Variants in AAMDC observed in about 807,000 individuals in gnomAD.
AAMDC encodes mth938 domain-containing protein.
Under a neutral mutation model 15.5 loss-of-function variants are expected in AAMDC, and 16 were observed. The ratio of observed to expected loss-of-function variants is 1.03; its 90% CI spans 0.70 to 1.57. The LOEUF is 1.57. Among genes scored for constraint, AAMDC ranks in the 40% most tolerant of loss-of-function variants. The pLI, the probability that AAMDC is intolerant of heterozygous loss-of-function variation, is 0.00. For missense variants in AAMDC, 141 were observed against 144.9 expected, an observed-to-expected ratio of 0.97 and a Z score of 0.14; for synonymous variants, 51 against 51.6, an observed-to-expected ratio of 0.99 and a Z score of 0.05.
intron 1 of AAMDC, among the ~76,000 whole-genome samples, chr11:77,821,454 T>C (rs1480759092): frequency 6.6e-6 from 1 of 152,098 alleles, no homozygotes; most frequent in Non-Finnish European, 1.5e-5. Flanking sequence ...TATTGCTCTC[T>C]GCTGGGGTAC....
chr11:77,893,584 C>A (rs748676443), intron 5 of AAMDC, among the ~76,000 whole-genome samples: 7 of 152,036 alleles, frequency 4.6e-5, no homozygotes, highest in Non-Finnish European at 1.0e-4. Flanking sequence ...CAGAGTGAGA[C>A]CCTGTCTCAA....
downstream of AAMDC, among the ~76,000 whole-genome samples, chr11:77,874,461 G>GT (rs1951544878): frequency 6.6e-6 from 1 of 151,564 alleles, no homozygotes; most frequent in South Asian, 2.1e-4. Flanking sequence ...TCCTAAGTGA[G>GT]TTGTCTCCAA....
At chr11:77,847,742 C>T (rs1014409399) in intron 2 of AAMDC, among the ~76,000 whole-genome samples, 3 of 152,088 alleles carry the variant, frequency 2.0e-5, no homozygotes, top group African/African-American at 7.2e-5. Context: ...AAGTCATAAC[C>T]ACTTTAGCTA....
chr11:77,829,235 GAC>G (rs1158615876), intron 1 of AAMDC, among the ~76,000 whole-genome samples: 1 of 152,184 alleles, frequency 6.6e-6, no homozygotes, highest in African/African-American at 2.4e-5. Context: ...GCCATGTGAA[GAC>G]ACAGAGAGAT....
At chr11:77,854,224 C>T (rs1950518874) in intron 2 of AAMDC, among the ~76,000 whole-genome samples, 1 of 151,982 alleles carries the variant, frequency 6.6e-6, no homozygotes, top group African/African-American at 2.4e-5. Flanking sequence ...GATCTCCTGA[C>T]CTCATGATCC....
chr11:77,858,311 T>TTTTTTTTTG, intron 2 of AAMDC, among the ~76,000 whole-genome samples: 1 of 136,230 alleles, frequency 7.3e-6, no homozygotes, highest in African/African-American at 2.6e-5. Context: ...TCTTTTTTTT[T>TTTTTTTTTG]TTTTTTTTTT....
chr11:77,865,118 TG>T (rs1817686955), intron 2 of AAMDC, among the ~76,000 whole-genome samples: 1 of 152,196 alleles, frequency 6.6e-6, no homozygotes, highest in Admixed American at 6.5e-5. Context: ...TTAGACACAG[TG>T]TCTAATGTGG....
At chr11:77,865,423 C>A (rs148303590) in intron 2 of AAMDC, among the ~76,000 whole-genome samples, 4 of 152,052 alleles carry the variant, frequency 2.6e-5, no homozygotes, top group Non-Finnish European at 5.9e-5. Context: ...TTGTAGGAAC[C>A]GGTTGTAGGC....
chr11:77,827,578 A>T (rs1949236226), intron 1 of AAMDC, among the ~76,000 whole-genome samples: 1 of 152,236 alleles, frequency 6.6e-6, no homozygotes, highest in Non-Finnish European at 1.5e-5. Context: ...AAAATTCAAT[A>T]TTCTTTCATG....
At chr11:77,903,252 G>C (rs565249893), downstream of AAMDC, among the ~76,000 whole-genome samples, 1 of 152,244 alleles carries the variant, frequency 6.6e-6, no homozygotes, top group Non-Finnish European at 1.5e-5. Flanking sequence ...CCTGAAATTA[G>C]GGAGGCCACA....
chr11:77,905,540 T>C (rs995091267), downstream of AAMDC, among the ~76,000 whole-genome samples: 1 of 152,096 alleles, frequency 6.6e-6, no homozygotes, highest in African/African-American at 2.4e-5. Flanking sequence ...TCCATGAAAG[T>C]GCATCATCAC....
chr11:77,874,923 G>A (rs1176574991), downstream of AAMDC, among the ~76,000 whole-genome samples: 1 of 152,000 alleles, frequency 6.6e-6, no homozygotes, highest in Non-Finnish European at 1.5e-5. Context: ...TGTAATCCCA[G>A]CTAGTCTACT....
chr11:77,845,627 A>G (rs919043103), intron 2 of AAMDC, among the ~76,000 whole-genome samples: 5 of 152,004 alleles, frequency 3.3e-5, no homozygotes, highest in African/African-American at 1.2e-4. Context: ...ACAGGGTTTT[A>G]CCATGTTGGC....
chr11:77,875,363 G>A (rs636041), downstream of AAMDC, among the ~76,000 whole-genome samples: 60,771 of 152,018 alleles, frequency 0.4, 12,748 homozygotes, highest in African/African-American at 0.51. Context: ...GCACAAATCT[G>A]CCTGGAGACA....
intron 1 of AAMDC, among the ~76,000 whole-genome samples, chr11:77,828,633 T>C (rs1408431606): frequency 6.9e-6 from 1 of 145,684 alleles, no homozygotes; most frequent in Non-Finnish European, 1.5e-5. Context: ...ATCGCACCAC[T>C]GCACTGCGCC....
intron 1 of AAMDC, among the ~76,000 whole-genome samples, chr11:77,828,729 C>T (rs181465800): frequency 2.7e-5 from 4 of 149,756 alleles, no homozygotes; most frequent in East Asian, 3.9e-4. Context: ...TTTTAAAAGA[C>T]GTACATGGGA....
intron 1 of AAMDC, among the ~76,000 whole-genome samples, chr11:77,824,604 A>G (rs1263589010): frequency 2.0e-5 from 3 of 152,224 alleles, no homozygotes; most frequent in Non-Finnish European, 4.4e-5. Flanking sequence ...CATGTTGAGT[A>G]AAAGAAGGCA....
At chr11:77,857,230 G>A (rs1414454826) in intron 2 of AAMDC, among the ~76,000 whole-genome samples, 1 of 152,174 alleles carries the variant, frequency 6.6e-6, no homozygotes, top group Admixed American at 6.5e-5. Flanking sequence ...GGTAATGAGA[G>A]GAAGGAATAC....
At chr11:77,888,431 G>T (rs2136380878) in intron 5 of AAMDC, among the ~76,000 whole-genome samples, 1 of 152,252 alleles carries the variant, frequency 6.6e-6, no homozygotes, top group Non-Finnish European at 1.5e-5. Context: ...ATTCAAGATG[G>T]ATTAAAGACT....
Sources: allele counts gnomAD v4.1 joint callset (sites outside exome capture counted in the v4.1 genomes callset), GRCh38; gene constraint gnomAD v4.1.1; transcripts MANE v1.5; gene names NCBI Gene and HGNC (gene_info 2026-07-23, HGNC 2026-07-21).